The following UGT2B4 variants were observed in gnomAD, a reference collection of about 807,000 sequenced individuals.
UGT2B4 encodes the protein UDP glucuronosyltransferase family 2 member B4.
In UGT2B4, 49 loss-of-function variants were observed where a neutral mutation model predicts 49.8. That is an observed-to-expected ratio of 0.98 (90% confidence interval 0.78 to 1.25). The LOEUF (loss-of-function observed/expected upper bound fraction) is 1.25, where lower values mean the gene tolerates loss of function less well. UGT2B4 is among the 50% of genes most tolerant of loss of function. The pLI is 0.00. For missense variants in UGT2B4, 729 were observed against 627.7 expected (o/e 1.16, Z -1.73); for synonymous variants, 246 against 217.7 (o/e 1.13, Z -1.14).
intron 1 of UGT2B4, among the ~76,000 whole-genome samples, chr4:69,523,728 C>A (rs988481170): frequency 6.6e-6 from 1 of 152,070 alleles, no homozygotes; most frequent in African/African-American, 2.4e-5. Flanking sequence ...TAAAGCCAGG[C>A]ATTGACTTCT....
intron 1 of UGT2B4, among the ~76,000 whole-genome samples, chr4:69,510,634 A>T (rs1594585): frequency 6.6e-6 from 1 of 152,020 alleles, no homozygotes; most frequent in Non-Finnish European, 1.5e-5. Context: ...ATTATTTTTT[A>T]TTAGTATACA....
rs575252094 is a variant in UGT2B4 at position 69,518,752 on chromosome 4, G to A, written c.-106+6935C>T. ...ATTGCCCAATAAGTCCAGGGTTCCA[G>A]ATGGCTTAGGGGAATACTGTTTCAC... On this transcript the variant is annotated intron_variant, in intron 1 of 1. Transcript: ENST00000510114. 2.0e-5 allele frequency among the ~76,000 whole-genome samples: 3 copies of A among 152,244 alleles called. No homozygotes were observed. In the East Asian group the frequency reaches 5.8e-4, roughly 29 times the overall value.
At chr4:69,500,597 GAAAGCAAGGAAGAAAGA>G (rs1728280915), upstream of UGT2B4, among the ~76,000 whole-genome samples, 4 of 127,990 alleles carry the variant, frequency 3.1e-5, no homozygotes, top group African/African-American at 1.1e-4. Context: ...AAGCAAGCAA[GAAAGCAAGGAAGAAAGA>G]AAGAAAGAAA....
upstream of UGT2B4, among the ~76,000 whole-genome samples, chr4:69,499,047 ATTCTGTTATATTGTC>A (rs1177768391): frequency 6.6e-6 from 1 of 151,966 alleles, no homozygotes; most frequent in African/African-American, 2.4e-5. Context: ...CATCTCAGAG[ATTCTGTTATATTGTC>A]TTTTTGTTCT....
upstream of UGT2B4, chr4:69,495,994 G>A: frequency 7.3e-7 from 1 of 1,367,068 alleles, no homozygotes; most frequent in Non-Finnish European, 9.8e-7. Context: ...TATATTAACA[G>A]TCTGAGCATG....
intron 1 of UGT2B4, among the ~76,000 whole-genome samples, chr4:69,509,168 C>CTTTTTT (rs1177088839): frequency 2.1e-4 from 9 of 43,902 alleles, no homozygotes; most frequent in Admixed American, 3.7e-4. Flanking sequence ...TATGGAATTT[C>CTTTTTT]TATTTTTTTT....
intron 2 of UGT2B4, among the ~76,000 whole-genome samples, chr4:69,492,068 T>C (rs1400664768): frequency 6.6e-6 from 1 of 152,092 alleles, no homozygotes; most frequent in Non-Finnish European, 1.5e-5. Context: ...GAATATAATG[T>C]TATATGATGA....
At chr4:69,493,201 C>G (rs183088069) in intron 2 of UGT2B4, among the ~76,000 whole-genome samples, 1 of 152,176 alleles carries the variant, frequency 6.6e-6, no homozygotes, top group African/African-American at 2.4e-5. Flanking sequence ...CAGCTCTCAT[C>G]TAAATTATTA....
At chr4:69,512,831 G>A (rs1280962884) in intron 1 of UGT2B4, among the ~76,000 whole-genome samples, 1 of 152,044 alleles carries the variant, frequency 6.6e-6, no homozygotes, top group Non-Finnish European at 1.5e-5. Context: ...TTTCTTTAAC[G>A]ATCAAAAAAG....
chr4:69,496,235 C>T (rs577805184), upstream of UGT2B4, among the ~76,000 whole-genome samples: 2 of 151,422 alleles, frequency 1.3e-5, no homozygotes, highest in African/African-American at 4.8e-5. Flanking sequence ...CTGTATTCGG[C>T]AGGATGGTCT....
chr4:69,494,914 T>C (rs1405803545), intron 1 of UGT2B4, among the ~76,000 whole-genome samples: 2 of 152,174 alleles, frequency 1.3e-5, no homozygotes. Flanking sequence ...TACAGGCTTA[T>C]GACTTCCTGG....
chr4:69,499,646 G>T (rs1401500750), upstream of UGT2B4, among the ~76,000 whole-genome samples: 1 of 151,858 alleles, frequency 6.6e-6, no homozygotes, highest in Non-Finnish European at 1.5e-5. Context: ...TGATCTTTTT[G>T]GTTTAAAGTC....
chr4:69,516,853 C>T (rs916655388), intron 1 of UGT2B4, among the ~76,000 whole-genome samples: 5 of 151,618 alleles, frequency 3.3e-5, no homozygotes, highest in Non-Finnish European at 5.9e-5. Flanking sequence ...GGTGATTTGC[C>T]CGCCTTACGC....
chr4:69,508,513 A>T (rs547508127), intron 1 of UGT2B4, among the ~76,000 whole-genome samples: 1 of 152,336 alleles, frequency 6.6e-6, no homozygotes, highest in East Asian at 1.9e-4. Flanking sequence ...ATAGAATTCA[A>T]TGCAGCCAGG....
chr4:69,485,780 G>A (rs1166578231), intron 4 of UGT2B4, among the ~76,000 whole-genome samples: 1 of 152,106 alleles, frequency 6.6e-6, no homozygotes. Flanking sequence ...GCTTTTAATG[G>A]AGACGGAGTC....
chr4:69,485,544 GT>G, intron 4 of UGT2B4, 117 bp from the exon 5 acceptor site: 2 of 1,426,208 alleles, frequency 1.4e-6, no homozygotes. Context: ...AATTAAAATT[GT>G]TTTTGAGACT....
At chr4:69,494,257 A>T (rs1488336364) in intron 1 of UGT2B4, among the ~76,000 whole-genome samples, 1 of 152,146 alleles carries the variant, frequency 6.6e-6, no homozygotes, top group East Asian at 1.9e-4. Flanking sequence ...CTAATTTCCC[A>T]TTCATTAATC....
chr4:69,482,461 A>T (rs1727622768), intron 5 of UGT2B4, among the ~76,000 whole-genome samples: 1 of 152,226 alleles, frequency 6.6e-6, no homozygotes, highest in Non-Finnish European at 1.5e-5. Flanking sequence ...GATAGAGGGT[A>T]TCAGAATCTT....
upstream of UGT2B4, among the ~76,000 whole-genome samples, chr4:69,500,606 G>GCAAGAAAGCAAGAAAGCAAGAAAGC (rs1553896493): frequency 1.5e-3 from 150 of 99,586 alleles, 3 homozygotes; most frequent in Middle Eastern, 8.8e-3. Flanking sequence ...AGAAAGCAAG[G>GCAAGAAAGCAAGAAAGCAAGAAAGC]AAGAAAGAAA....
Sources: gnomAD v4.1 joint callset for allele counts (sites outside exome capture counted in the v4.1 genomes callset) on GRCh38, gnomAD v4.1.1 for gene constraint, MANE v1.5 for transcripts, NCBI Gene and HGNC (gene_info 2026-07-23, HGNC 2026-07-21) for gene names.